FBN3: variants seen among roughly 807,000 people sequenced by gnomAD.
FBN3 encodes fibrillin 3.
In FBN3, 234 loss-of-function variants were observed where a neutral mutation model predicts 330.1. That is an observed-to-expected ratio of 0.71 (90% CI 0.64 to 0.79). FBN3 has a LOEUF of 0.79. FBN3 is among the 30% of genes least tolerant of loss of function. FBN3 has a pLI of 0.00. For synonymous variants in FBN3, 1,458 were observed against 1,517.3 expected (o/e 0.96, Z 0.91); for missense variants, 3,606 against 3,886.9 (o/e 0.93, Z 1.92).
intron 59 of FBN3, among the ~76,000 whole-genome samples, chr19:8,079,491 A>C (rs1208818353): frequency 6.6e-6 from 1 of 152,112 alleles, no homozygotes; most frequent in East Asian, 1.9e-4. Flanking sequence ...CCTACCCTCC[A>C]AAACAACCCT....
intron 38 of FBN3, among the ~76,000 whole-genome samples, chr19:8,104,165 GAAAA>G (rs34779277): frequency 2.5e-5 from 3 of 121,204 alleles, no homozygotes; most frequent in Non-Finnish European, 5.0e-5. Context: ...GACATTAAGT[GAAAA>G]AAAAAAAAAA....
At chr19:8,108,140 A>G (rs2082489457) in intron 37 of FBN3, 30 bp downstream of exon 37, 1 of 1,600,732 alleles carries the variant, frequency 6.2e-7, no homozygotes, top group Non-Finnish European at 8.5e-7. Context: ...CTAGGCAGAC[A>G]GATGGATGGA....
At chr19:8,115,741 C>A in intron 29 of FBN3, 101 bp from the exon 30 acceptor site, 1 of 1,382,196 alleles carries the variant, frequency 7.2e-7, no homozygotes, top group Non-Finnish European at 1.0e-6. Context: ...TCCTGACTGT[C>A]CCGCCGCACA....
chr19:8,074,037 T>A (rs76243380), intron 61 of FBN3, among the ~76,000 whole-genome samples: 5 of 152,192 alleles, frequency 3.3e-5, no homozygotes, highest in Non-Finnish European at 7.3e-5. Flanking sequence ...TGGTCCTCTG[T>A]TGAGAACCTA....
In FBN3 at chr19:8,087,203, C is replaced by T. The variant is rs780169597; in HGVS notation, c.6628G>A (p.Glu2210Lys). 6 of 1,593,754 alleles carry T rather than the reference C, an allele frequency of 3.8e-6. No individual in the cohort carries two copies. Among genetic ancestry groups the T allele is most frequent in the Admixed American group, 1.8e-5 (1 of 56,822 alleles). The change falls in exon 54 of 64, where the codon GAG becomes AAG. Residue 2210 changes from glutamate (E) to lysine (K), a missense_variant. Physicochemically the swap from Glu to Lys is moderately conservative, Grantham distance 56. Transcript: ENST00000600128. ...CAGTCCTGCTGACCATCTGCACACTCGTCCACATCTTCGGATGACCAGAGA... is the reference window on the plus strand; with the variant it reads ...CAGTCCTGCTGACCATCTGCACACTTGTCCACATCTTCGGATGACCAGAGA... ...EDGAMCRDVD[E>K]CADGQQDCHA... is the part of the protein sequence containing the mutation.
rs1218139144 is a variant in FBN3 at position 8,136,004 on chromosome 19, G to T, written c.1548C>A (p.Cys516Ter). 4 of 1,458,814 alleles carry T rather than the reference G, an allele frequency of 2.7e-6. No individual in the cohort carries two copies. The African/African-American group carries it at 6.2e-5, about 23-fold the overall frequency. The allele number at this position is 1,458,814 out of a possible 1,614,324, so 90.4% of individuals were successfully genotyped here. A position where few individuals can be genotyped will look rare whatever the true frequency, so the allele number is the denominator to read the frequency against. The change falls in exon 13 of 64, where the codon TGC becomes TGA. Residue 516 changes from cysteine to a stop codon, truncating the protein, a stop_gained. Coordinates refer to ENST00000600128, the MANE Select transcript of FBN3 (RefSeq NM_032447.5). LOFTEE classifies it high-confidence loss of function. The stretch of plus-strand genomic sequence containing the variant: ...CAGGGCTGAGCTCGAAGCCTGCATT[G>T]CAGACACACTGGAAGCTGCCCTCTG... Reference protein sequence around the residue: ...VNTEGSFQCVCNAGFELSPDG... With the variant: ...VNTEGSFQCV
At chr19:8,116,925 T>TG in intron 28 of FBN3, 126 bp from the exon 29 acceptor site, 1 of 1,266,348 alleles carries the variant, frequency 7.9e-7, no homozygotes, top group Non-Finnish European at 1.1e-6. Flanking sequence ...TCGAGTAGTC[T>TG]GGGGGCGCTC....
rs1372223269 is a variant in FBN3 at position 8,125,776 on chromosome 19, G to A, written c.2731+116C>T. The A allele has an allele frequency of 2.5e-6, 3 of 1,203,748 alleles. No homozygotes were observed. The East Asian group carries it at 8.5e-5, about 34-fold the overall frequency. The allele number at this position is 1,203,748 out of a possible 1,614,324, so 74.6% of individuals were successfully genotyped here. A position where few individuals can be genotyped will look rare whatever the true frequency, so the allele number is the denominator to read the frequency against. On this transcript the variant is annotated intron_variant, in intron 22 of 63. Coordinates refer to ENST00000600128, the MANE Select transcript of FBN3 (RefSeq NM_032447.5). ...ACTGCACTCCAGCCTGGGCGACAGA[G>A]CGAGACTCCATCTCAAAAAAAAAAA...
At position 8,131,897 on chromosome 19, in the gene FBN3, C is replaced by T; in HGVS notation, c.1715-68G>A. 7.0e-7 allele frequency: 1 copy of T among 1,419,598 alleles called. No individual in the cohort carries two copies. The highest frequency in any genetic ancestry group is 9.3e-7 in the Non-Finnish European group (1 of 1,077,486). The allele number at this position is 1,419,598 out of a possible 1,614,324, so 87.9% of individuals were successfully genotyped here. A position where few individuals can be genotyped will look rare whatever the true frequency, so the allele number is the denominator to read the frequency against. On this transcript the variant is annotated intron_variant, in intron 14 of 63. Transcript: ENST00000600128. This position sits in a 1 kb window ranked among gnomAD's most constrained non-coding sequence, Gnocchi z 4.5. ...CCCTTCCTCTCTCCCCTCCCCATCT[C>T]CCAACATTTCCATCTTCCCAGCCAT...
intron 6 of FBN3, among the ~76,000 whole-genome samples, chr19:8,144,019 A>G (rs2083478243): frequency 6.6e-6 from 1 of 151,648 alleles, no homozygotes; most frequent in African/African-American, 2.4e-5. Context: ...TATGCTACCC[A>G]GGTTGATCTC....
rs1326791406 is a variant in FBN3 at position 8,108,164 on chromosome 19, A to G, written c.4687+6T>C. 1 of 1,611,774 alleles carries G rather than the reference A, an allele frequency of 6.2e-7. No homozygotes were observed. Among genetic ancestry groups the G allele is most frequent in the South Asian group, 1.1e-5 (1 of 90,736 alleles). ...CAGATGGATGGATGATCTGCCAGGAACTCACCTTCCAGAATGACAGTGATG... is the reference window on the plus strand; with the variant it reads ...CAGATGGATGGATGATCTGCCAGGAGCTCACCTTCCAGAATGACAGTGATG... On this transcript the variant is annotated splice_donor_region_variant and intron_variant, in intron 37 of 63. Transcript: ENST00000600128.
chr19:8,115,724 C>T (rs920010085), intron 29 of FBN3, 84 bp from the exon 30 acceptor site: 7 of 1,505,288 alleles, frequency 4.7e-6, no homozygotes, highest in South Asian at 1.2e-5. Context: ...AGGGAGATCA[C>T]CAGCATTCCT....
rs1234962394 is a variant in FBN3, at chr19:8,083,330, C to T, written c.7130G>A (p.Gly2377Glu). Residue 2377 changes from glycine to glutamate, a missense_variant, in exon 57 of 64, where the codon GGG (glycine) becomes GAG (glutamate). Transcript: ENST00000600128. ...CRMLAHLCAH[G>E]ECINSLGSFR... ...GGAGCCAAGGCTGTTGATGCACTCC[C>T]CATGAGCACACAGGTGAGCAAGCAT... 1.2e-6 allele frequency: 2 copies of T among 1,613,986 alleles called. No individual in the cohort carries two copies. Among genetic ancestry groups the T allele is most frequent in the East Asian group, 2.2e-5 (1 of 44,892 alleles).
rs908509266 is a variant in FBN3 at position 8,121,457 on chromosome 19, C to A, written c.3083-71G>T. 1.2e-5 allele frequency: 17 copies of A among 1,443,926 alleles called. No homozygotes were observed. Among genetic ancestry groups the A allele is most frequent in the Non-Finnish European group, 1.6e-5 (17 of 1,081,754 alleles). The allele number at this position is 1,443,926 out of a possible 1,614,324, so 89.4% of individuals were successfully genotyped here. On this transcript the variant is annotated intron_variant, in intron 24 of 63. Coordinates refer to ENST00000600128, the MANE Select transcript of FBN3 (RefSeq NM_032447.5). The surrounding 1 kb of genome is among the most constrained non-coding windows in gnomAD (Gnocchi z 4.5). The stretch of plus-strand genomic sequence containing the variant: ...TCATGGGGCACGAGGCAGGGGGGTC[C>A]CTGTCCTTTGATGGAGGTGTGGGCT...
chr19:8,097,476 C>G, intron 41 of FBN3, 62 bp from the exon 42 acceptor site: 1 of 1,524,878 alleles, frequency 6.6e-7, no homozygotes, highest in Admixed American at 1.8e-5. Flanking sequence ...CGATGCTGAG[C>G]GAAGGGACCC....
rs1296325411 is a variant in FBN3 at position 8,121,656 on chromosome 19, G to A, written c.3083-270C>T. On this transcript the variant is annotated intron_variant, in intron 24 of 63. Transcript: ENST00000600128. This position sits in a 1 kb window ranked among gnomAD's most constrained non-coding sequence, Gnocchi z 4.5. ...CCCCAAACTAAACATGACAAGGGCA[G>A]GCAGTTTTCTCACAGACGGGAGTTC... 6.6e-6 allele frequency among the ~76,000 whole-genome samples: 1 copy of A among 152,186 alleles called. No homozygotes were observed. Among genetic ancestry groups the A allele is most frequent in the African/African-American group, 2.4e-5 (1 of 41,446 alleles).
At chr19:8,101,610 T>C (rs1010709854) in intron 40 of FBN3, among the ~76,000 whole-genome samples, 2 of 152,102 alleles carry the variant, frequency 1.3e-5, no homozygotes, top group Non-Finnish European at 2.9e-5. Flanking sequence ...AGGTCTATGG[T>C]ATCTCTAACC....
chr19:8,138,859 C>CA (rs1437457444), intron 8 of FBN3, among the ~76,000 whole-genome samples: 5 of 151,758 alleles, frequency 3.3e-5, no homozygotes, highest in Non-Finnish European at 7.4e-5. Context: ...CCAGCCTGAC[C>CA]AACATGGCGA....
intron 47 of FBN3, among the ~76,000 whole-genome samples, chr19:8,092,635 A>C (rs2082120508): frequency 7.2e-6 from 1 of 139,462 alleles, no homozygotes; most frequent in South Asian, 2.3e-4. Context: ...GAATCGCTTG[A>C]ACCCGGGAGG....
Sources: allele counts gnomAD v4.1 joint callset (sites outside exome capture counted in the v4.1 genomes callset), GRCh38; gene constraint gnomAD v4.1.1; non-coding constraint Gnocchi (gnomAD v3.1); transcripts MANE v1.5; gene names NCBI Gene and HGNC (gene_info 2026-07-23, HGNC 2026-07-21).